The following FMR1 variants were observed in gnomAD, a reference collection of about 807,000 sequenced individuals.
FMR1 encodes fragile X messenger ribonucleoprotein 1.
FMR1 carries 13 observed loss-of-function variants against 50.6 expected under a neutral mutation model. The observed-to-expected ratio is 0.26, with a 90% CI of 0.17 to 0.41. The LOEUF is 0.41. Among genes scored for constraint, FMR1 ranks in the 10% least tolerant of loss-of-function variants. The pLI is 1.00. For synonymous variants in FMR1, 138 were observed against 164.1 expected (o/e 0.84, Z 1.22); for missense variants, 316 against 491.3 (o/e 0.64, Z 3.37).
intron 16 of FMR1, among the ~76,000 whole-genome samples, chrX:147,947,861 G>T (rs781942813): frequency 1.8e-5 from 2 of 112,322 alleles, no homozygotes; most frequent in African/African-American, 6.5e-5. Flanking sequence ...ATCAATATTT[G>T]TAGTTGTTTT....
chrX:147,912,142 G>T lies in FMR1; in HGVS notation c.-38G>T. The stretch of plus-strand genomic sequence containing the variant: ...CTCGAGCGCCCGCAGCCCACCTCTC[G>T]GGGGCGGGCTCCCGGCGCTAGCAGG... On this transcript the variant is annotated 5_prime_UTR_variant, in exon 1 of 17. Coordinates refer to ENST00000370475, the MANE Select transcript of FMR1 (RefSeq NM_002024.6). The T allele has an allele frequency of 9.4e-7, 1 of 1,059,272 alleles. No individual in the cohort carries two copies. The highest frequency in any genetic ancestry group is 3.2e-5 in the Admixed American group (1 of 31,478). 87.3% of individuals were successfully genotyped at this position (1,059,272 alleles called of 1,213,427 possible).
At chrX:147,943,010 A>T (rs1292994264) in intron 13 of FMR1, 121 bp from the exon 14 acceptor site, 2 of 579,242 alleles carry the variant, frequency 3.5e-6, no homozygotes, top group African/African-American at 2.3e-5. Context: ...AACAGTGTTT[A>T]CTGTAAATTT....
chrX:147,928,170 T>C lies in FMR1; in HGVS notation c.199-152T>C. The stretch of plus-strand genomic sequence containing the variant: ...GTATCTCTGCCTACCTCGGGGTACA[T>C]AGACAGGGTTACAATTTGGTTGAGG... On this transcript the variant is annotated intron_variant, in intron 3 of 16. Coordinates refer to ENST00000370475, the MANE Select transcript of FMR1 (RefSeq NM_002024.6). 2.3e-5 allele frequency: 11 copies of C among 484,518 alleles called. No individual in the cohort carries two copies. In the South Asian group the frequency reaches 2.8e-4, roughly 12 times the overall value. 39.9% of individuals were successfully genotyped at this position (484,518 alleles called of 1,213,427 possible).
At chrX:147,944,592 G>A in intron 14 of FMR1, 2 of 965,302 alleles carry the variant, frequency 2.1e-6, no homozygotes, top group Non-Finnish European at 2.6e-6. Flanking sequence ...TAATGATATG[G>A]CACATCAAGG....
At chrX:147,942,484 T>C (rs1289988581) in intron 13 of FMR1, among the ~76,000 whole-genome samples, 2 of 112,359 alleles carry the variant, frequency 1.8e-5, no homozygotes, top group East Asian at 2.8e-4. Context: ...TTGTAGTCTT[T>C]AGGAAGTTTT....
chrX:147,932,694 G>A lies in FMR1; in HGVS notation c.811G>A (p.Ala271Thr). 1 of 1,207,605 alleles carries A rather than the reference G, an allele frequency of 8.3e-7. No individual in the cohort carries two copies. Among genetic ancestry groups the A allele is most frequent in the Non-Finnish European group, 1.1e-6 (1 of 892,238 alleles). Residue 271 changes from alanine (A) to threonine (T), a missense_variant, in exon 9 of 17, where the codon GCA becomes ACA. Around this residue, in one of 4 missense-constraint regions of FMR1, gnomAD observed 124 missense variants for 238.1 expected, o/e 0.52. Coordinates refer to ENST00000370475, the MANE Select transcript of FMR1 (RefSeq NM_002024.6). ...TFHIYGEDQD[A>T]VKKARSFLEF... ...TTTCCCCTTTTATTAGGATCAGGATGCAGTGAAAAAAGCTAGAAGCTTTCT... is the reference window on the plus strand; with the variant it reads ...TTTCCCCTTTTATTAGGATCAGGATACAGTGAAAAAAGCTAGAAGCTTTCT...
rs928424597 is a variant in FMR1 at position 147,917,304 on chromosome X, T to A, written c.52-4629T>A. 3.7e-4 allele frequency among the ~76,000 whole-genome samples: 41 copies of A among 112,242 alleles called. No individual in the cohort carries two copies. In the Admixed American group the frequency reaches 3.9e-3, roughly 11 times the overall value. The stretch of plus-strand genomic sequence containing the variant: ...AATAAGGATGGACTTTCTGTCTTTG[T>A]TTCATCAGTCCTGGTAATAGAATGT... On this transcript the variant is annotated intron_variant, in intron 1 of 16. Transcript: ENST00000370475.
Position 147,940,618 on chromosome X carries a change from G to A in FMR1, c.1231G>A (p.Ala411Thr), listed in dbSNP as rs2187601. The change falls in exon 13 of 17, where the codon GCT (alanine) becomes ACT (threonine). Residue 411 changes from alanine (A) to threonine (T), a missense_variant. Around this residue, in one of 4 missense-constraint regions of FMR1, gnomAD observed 15 missense variants for 40.9 expected, o/e 0.37. Transcript: ENST00000370475. Reference sequence around the variant, plus strand: ...TTTTGTGGGAACAAAGGACAGCATCGCTAATGCCACTGTTCTTTTGGATTA... The same window carrying A: ...TTTTGTGGGAACAAAGGACAGCATCACTAATGCCACTGTTCTTTTGGATTA... ...FVFVGTKDSIANATVLLDYHL... is the reference protein window; with the variant it reads ...FVFVGTKDSITNATVLLDYHL... 4.2e-5 allele frequency: 51 copies of A among 1,203,066 alleles called. No homozygotes were observed. The highest frequency in any genetic ancestry group is 3.5e-4 in the Admixed American group (16 of 45,758).
At chrX:147,944,190 G>T in intron 14 of FMR1, 1 of 752,471 alleles carries the variant, frequency 1.3e-6, no homozygotes, top group Non-Finnish European at 1.6e-6. Context: ...CTGCCTCACC[G>T]TGGAGCTCTT....
rs782412295 is a variant in FMR1, at chrX:147,950,824, G to T, written c.*1980G>T. 3 of 306,256 alleles carry T rather than the reference G, an allele frequency of 9.8e-6. No individual in the cohort carries two copies. Among genetic ancestry groups the T allele is most frequent in the Non-Finnish European group, 1.9e-5 (3 of 161,222 alleles). The allele number at this position is 306,256 out of a possible 1,213,427, so 25.2% of individuals were successfully genotyped here. On this transcript the variant is annotated 3_prime_UTR_variant, in exon 17 of 17. Transcript: ENST00000370475. The stretch of plus-strand genomic sequence containing the variant: ...ATAAAGCGAAAAACTCAACCAAATG[G>T]TACAAAACCACAGTGTACCATTAAA...
At chrX:147,928,603 C>T (rs2043473512) in intron 4 of FMR1, 56 bp from the exon 5 acceptor site, 1 of 1,069,462 alleles carries the variant, frequency 9.4e-7, no homozygotes. Context: ...ATAGGGAGAA[C>T]TTCTTATTCT....
At chrX:147,931,764 G>A (rs1557178753) in intron 7 of FMR1, among the ~76,000 whole-genome samples, 3 of 111,508 alleles carry the variant, frequency 2.7e-5, no homozygotes, top group African/African-American at 9.8e-5. Context: ...AAGGTCTTAC[G>A]GACTCTGGTC....
intron 9 of FMR1, among the ~76,000 whole-genome samples, chrX:147,934,566 AT>A (rs1309211157): frequency 3.6e-5 from 4 of 111,643 alleles, no homozygotes; most frequent in African/African-American, 6.5e-5. Flanking sequence ...GCTCTTTGGG[AT>A]TTGGAAATAA....
At chrX:147,939,773 G>T (rs1277415371) in intron 12 of FMR1, among the ~76,000 whole-genome samples, 1 of 106,819 alleles carries the variant, frequency 9.4e-6, no homozygotes, top group East Asian at 2.9e-4. Flanking sequence ...TGGCATGCAC[G>T]TGTTGTCCCA....
In FMR1 at chrX:147,912,158, C is replaced by A; in HGVS notation, c.-22C>A. On this transcript the variant is annotated 5_prime_UTR_variant, in exon 1 of 17. Coordinates refer to ENST00000370475, the MANE Select transcript of FMR1 (RefSeq NM_002024.6). ...CCACCTCTCGGGGGCGGGCTCCCGG[C>A]GCTAGCAGGGCTGAAGAGAAGATGG... The A allele has an allele frequency of 9.1e-7, 1 of 1,104,934 alleles. No homozygotes were observed. Among genetic ancestry groups the A allele is most frequent in the Non-Finnish European group, 1.2e-6 (1 of 839,777 alleles). 91.1% of individuals were successfully genotyped at this position (1,104,934 alleles called of 1,213,427 possible).
At chrX:147,921,018 T>C (rs1358983678) in intron 1 of FMR1, among the ~76,000 whole-genome samples, 2 of 111,839 alleles carry the variant, frequency 1.8e-5, no homozygotes, top group African/African-American at 6.5e-5. Flanking sequence ...GGAGTTTGGC[T>C]ATGGTCCTGC....
At chrX:147,945,405 G>A (rs969229222) in intron 15 of FMR1, 129 bp from the exon 16 acceptor site, 1 of 544,311 alleles carries the variant, frequency 1.8e-6, no homozygotes, top group African/African-American at 2.3e-5. Context: ...TTGTGTAACT[G>A]GAATCACTGG....
intron 1 of FMR1, chrX:147,913,741 T>C (rs1157923605): frequency 8.9e-6 from 1 of 112,259 alleles, no homozygotes; most frequent in Non-Finnish European, 1.9e-5. Context: ...TGAAATTGTT[T>C]CAGTTGACTC....
At chrX:147,936,648 A>C in intron 10 of FMR1, 35 bp downstream of exon 10, 1 of 893,345 alleles carries the variant, frequency 1.1e-6, no homozygotes, top group Non-Finnish European at 1.6e-6. Flanking sequence ...TGGCACATAT[A>C]ATAAAAGTAA....
Sources: allele counts gnomAD v4.1 joint callset (sites outside exome capture counted in the v4.1 genomes callset), GRCh38; gene constraint gnomAD v4.1.1; regional missense constraint gnomAD v4.1.1; transcripts MANE v1.5; gene names NCBI Gene and HGNC (gene_info 2026-07-23, HGNC 2026-07-21).